Variants in BRAF observed in about 807,000 individuals in gnomAD.
The protein encoded by BRAF is serine/threonine-protein kinase B-raf.
Under a neutral mutation model 104.6 loss-of-function variants are expected in BRAF, and 16 were observed. That is an observed-to-expected ratio of 0.15 (90% CI 0.10 to 0.23). The LOEUF is 0.23. BRAF is among the 10% of genes least tolerant of loss of function. The pLI is 1.00. For missense variants in BRAF, 541 were observed against 937.3 expected, an observed-to-expected ratio of 0.58 and a Z score of 5.52; for synonymous variants, 310 against 341.6, an observed-to-expected ratio of 0.91 and a Z score of 1.02.
intron 3 of BRAF, among the ~76,000 whole-genome samples, chr7:140,810,799 A>G (rs944198531): frequency 6.6e-6 from 1 of 152,352 alleles, no homozygotes; most frequent in East Asian, 1.9e-4. Flanking sequence ...GAGATATTTG[A>G]GTCGCCTAAT....
intron 1 of BRAF, among the ~76,000 whole-genome samples, chr7:140,918,150 C>CT (rs1198957223): frequency 6.6e-6 from 1 of 152,112 alleles, no homozygotes; most frequent in Non-Finnish European, 1.5e-5. Context: ...CCATAAAACC[C>CT]TTTTTTCAAG....
intron 1 of BRAF, among the ~76,000 whole-genome samples, chr7:140,875,966 G>A (rs1812199123): frequency 6.6e-6 from 1 of 152,192 alleles, no homozygotes; most frequent in Non-Finnish European, 1.5e-5. Flanking sequence ...CACACAGAAG[G>A]GAAATAATAC....
At chr7:140,750,149 T>A (rs1797673029) in intron 16 of BRAF, among the ~76,000 whole-genome samples, 1 of 152,230 alleles carries the variant, frequency 6.6e-6, no homozygotes, top group Admixed American at 6.5e-5. Context: ...AAACAGTTGG[T>A]TAATTATTAG....
At chr7:140,864,358 G>C (rs1320473332) in intron 1 of BRAF, among the ~76,000 whole-genome samples, 4 of 152,192 alleles carry the variant, frequency 2.6e-5, no homozygotes, top group African/African-American at 7.2e-5. Flanking sequence ...ATTCTGATGT[G>C]TGCAACGGGT....
At chr7:140,735,782 T>C (rs1796362851) in intron 18 of BRAF, among the ~76,000 whole-genome samples, 1 of 152,048 alleles carries the variant, frequency 6.6e-6, no homozygotes, top group South Asian at 2.1e-4. Flanking sequence ...GGTCTCAAAC[T>C]CCTGACCTCA....
intron 1 of BRAF, among the ~76,000 whole-genome samples, chr7:140,893,028 C>T (rs1431012923): frequency 6.6e-6 from 1 of 152,178 alleles, no homozygotes; most frequent in South Asian, 2.1e-4. Context: ...ACTTCACTAT[C>T]AGCCTCACCC....
intron 19 of BRAF, among the ~76,000 whole-genome samples, chr7:140,729,038 C>T (rs1427543317): frequency 8.4e-6 from 1 of 119,284 alleles, no homozygotes; most frequent in Non-Finnish European, 1.7e-5. Context: ...CCAGGTAGGG[C>T]AACATAGTGA....
chr7:140,889,394 T>C (rs914949095), intron 1 of BRAF, among the ~76,000 whole-genome samples: 1 of 152,182 alleles, frequency 6.6e-6, no homozygotes, highest in Non-Finnish European at 1.5e-5. Context: ...AGCTTAGCTT[T>C]AAAAAAATTC....
At chr7:140,922,105 C>T (rs1457796320) in intron 1 of BRAF, among the ~76,000 whole-genome samples, 1 of 152,068 alleles carries the variant, frequency 6.6e-6, no homozygotes, top group Admixed American at 6.5e-5. Context: ...CATTTATTAT[C>T]AGTTCAGAAA....
At chr7:140,915,503 C>T (rs1037781638) in intron 1 of BRAF, among the ~76,000 whole-genome samples, 1 of 150,128 alleles carries the variant, frequency 6.7e-6, no homozygotes, top group African/African-American at 2.5e-5. Context: ...GGCGCAATAT[C>T]GGCTCACTGC....
Position 140,725,118 on chromosome 7 carries a change from GGA to G in BRAF, c.*1374_*1375del, listed in dbSNP as rs2130829146. The G allele has an allele frequency of 9.6e-7, 1 of 1,041,916 alleles. No homozygotes were observed. The highest frequency in any genetic ancestry group is 1.2e-6 in the Non-Finnish European group (1 of 864,650). 64.5% of individuals were successfully genotyped at this position (1,041,916 alleles called of 1,614,324 possible). ...CCCAACCTTTTGAAGACCAGGCTTG[GGA>G]AAAAAGGAAGAAGGAGAATGAATGG... On this transcript the variant is annotated 3_prime_UTR_variant, in exon 20 of 20. Coordinates refer to ENST00000644969, the MANE Select transcript of BRAF (RefSeq NM_001374258.1).
At chr7:140,843,145 G>A (rs1338543491) in intron 2 of BRAF, among the ~76,000 whole-genome samples, 1 of 152,196 alleles carries the variant, frequency 6.6e-6, no homozygotes, top group Non-Finnish European at 1.5e-5. Flanking sequence ...GGAAATGTAA[G>A]CATAGTCACT....
Position 140,923,060 on chromosome 7 carries a change from G to A in BRAF, c.138+1506C>T, listed in dbSNP as rs10262114. ...CTTAAAAATGAGAAATTTTAGAACA[G>A]ATCAAATGATGGTACAGAACACATT... On this transcript the variant is annotated intron_variant, in intron 1 of 19. Coordinates refer to ENST00000644969, the MANE Select transcript of BRAF (RefSeq NM_001374258.1). 5.6e-3 allele frequency among the ~76,000 whole-genome samples: 857 copies of A among 152,176 alleles called. 8 individuals carry two copies. Among genetic ancestry groups the A allele is most frequent in the African/African-American group, 0.02 (815 of 41,544 alleles).
In BRAF at chr7:140,881,765, G is replaced by C. The variant is rs373956122; in HGVS notation, c.139-31553C>G. 3.3e-5 allele frequency among the ~76,000 whole-genome samples: 5 copies of C among 152,098 alleles called. No homozygotes were observed. The South Asian group carries it at 1.0e-3, about 32-fold the overall frequency. On this transcript the variant is annotated intron_variant, in intron 1 of 19. Transcript: ENST00000644969. The stretch of plus-strand genomic sequence containing the variant: ...GAGGCCATTGTAGAGTTATTAATTG[G>C]CCTAACTTCAATATTGTTGTGTCTC...
chr7:140,863,809 C>T (rs922992099), intron 1 of BRAF, among the ~76,000 whole-genome samples: 2 of 152,210 alleles, frequency 1.3e-5, no homozygotes, highest in African/African-American at 2.4e-5. Context: ...TGTAAGTTTC[C>T]TGAGGCCTCC....
intron 1 of BRAF, among the ~76,000 whole-genome samples, chr7:140,869,627 T>C (rs549823824): frequency 3.9e-4 from 58 of 149,818 alleles, no homozygotes; most frequent in African/African-American, 1.4e-3. Context: ...ACTGAGACTC[T>C]GTCTCAAACA....
At chr7:140,839,812 T>G (rs1807740923) in intron 2 of BRAF, among the ~76,000 whole-genome samples, 1 of 152,336 alleles carries the variant, frequency 6.6e-6, no homozygotes, top group Middle Eastern at 3.4e-3. Context: ...ACAAGGCAAG[T>G]TGATCTAATT....
rs139855795 is a variant in BRAF, at chr7:140,923,232, A to G, written c.138+1334T>C. 2.0e-4 allele frequency among the ~76,000 whole-genome samples: 30 copies of G among 152,326 alleles called. 1 individual carries two copies. In the East Asian group the frequency reaches 5.8e-3, roughly 29 times the overall value. On this transcript the variant is annotated intron_variant, in intron 1 of 19. Transcript: ENST00000644969. Reference sequence around the variant, plus strand: ...GCAGAGAGAATGAGATGTTATGAGAATTGAGAAATTAGATGTTAATAGTAA... The same window carrying G: ...GCAGAGAGAATGAGATGTTATGAGAGTTGAGAAATTAGATGTTAATAGTAA...
intron 1 of BRAF, among the ~76,000 whole-genome samples, chr7:140,871,344 G>T (rs1811574362): frequency 6.6e-6 from 1 of 151,254 alleles, no homozygotes; most frequent in African/African-American, 2.4e-5. Context: ...AGGGATTTCT[G>T]TCTGGACACT....
Sources: gnomAD v4.1 joint callset for allele counts (sites outside exome capture counted in the v4.1 genomes callset) on GRCh38, gnomAD v4.1.1 for gene constraint, MANE v1.5 for transcripts, NCBI Gene and HGNC (gene_info 2026-07-23, HGNC 2026-07-21) for gene names.